The following SFMBT1 variants were observed in gnomAD, a reference collection of about 807,000 sequenced individuals.
SFMBT1 encodes the protein Scm like with four mbt domains 1.
SFMBT1 carries 32 observed loss-of-function variants against 108.7 expected under a neutral mutation model. The observed-to-expected ratio is 0.29, with a 90% CI of 0.22 to 0.40. The LOEUF (loss-of-function observed/expected upper bound fraction) is 0.40. SFMBT1 is among the 10% of genes least tolerant of loss of function. SFMBT1 has a pLI of 1.00. For missense variants in SFMBT1, 816 were observed against 1,059.6 expected, an observed-to-expected ratio of 0.77 and a Z score of 3.19; for synonymous variants, 348 against 369.5, an observed-to-expected ratio of 0.94 and a Z score of 0.67.
intron 3 of SFMBT1, among the ~76,000 whole-genome samples, chr3:52,944,952 C>T (rs78720466): frequency 0.026 from 3,923 of 151,540 alleles, 185 homozygotes; most frequent in African/African-American, 0.09. Context: ...CCCAGATGTG[C>T]GCCACCATGC....
intron 2 of SFMBT1, among the ~76,000 whole-genome samples, chr3:52,958,837 G>A (rs951239869): frequency 1.3e-5 from 2 of 152,000 alleles, no homozygotes; most frequent in African/African-American, 4.8e-5. Context: ...GTATGTTCAC[G>A]GCAGTACTAT....
At chr3:53,042,585 C>T (rs1236853255) in intron 1 of SFMBT1, among the ~76,000 whole-genome samples, 1 of 152,212 alleles carries the variant, frequency 6.6e-6, no homozygotes, top group Admixed American at 6.5e-5. Flanking sequence ...CTCAAGCGAT[C>T]CTCTTGCCTA....
chr3:52,974,531 CA>C (rs1475793459), intron 1 of SFMBT1, among the ~76,000 whole-genome samples: 2 of 152,130 alleles, frequency 1.3e-5, no homozygotes, highest in Admixed American at 6.5e-5. Context: ...CAACATAACT[CA>C]GGGGCAGAAA....
intron 20 of SFMBT1, among the ~76,000 whole-genome samples, chr3:52,905,727 T>TG (rs1339934499): frequency 6.6e-6 from 1 of 152,234 alleles, no homozygotes; most frequent in African/African-American, 2.4e-5. Context: ...ATTTCAATGT[T>TG]TAAGGCCACT....
intron 1 of SFMBT1, among the ~76,000 whole-genome samples, chr3:53,021,791 TA>T (rs1048392014): frequency 1.3e-5 from 2 of 151,812 alleles, no homozygotes; most frequent in African/African-American, 4.8e-5. Context: ...CAGGGAGAAA[TA>T]AAATCATTTA....
intron 13 of SFMBT1, among the ~76,000 whole-genome samples, chr3:52,916,444 C>T (rs200584209): frequency 1.4e-5 from 2 of 146,174 alleles, no homozygotes; most frequent in East Asian, 4.0e-4. Context: ...CTGACGTGGG[C>T]GGGTCACAAG....
intron 4 of SFMBT1, among the ~76,000 whole-genome samples, chr3:52,942,900 C>T (rs188941017): frequency 1.9e-3 from 284 of 152,318 alleles, no homozygotes; most frequent in Non-Finnish European, 3.0e-3. Flanking sequence ...TTTATTGTCT[C>T]TCTTCTGCTT....
chr3:53,042,507 T>C (rs1214169578), intron 1 of SFMBT1, among the ~76,000 whole-genome samples: 2 of 152,070 alleles, frequency 1.3e-5, no homozygotes, highest in Admixed American at 6.6e-5. Flanking sequence ...GCCTGGCTAA[T>C]TTTTTTATTT....
chr3:52,905,244 G>A lies in SFMBT1; in HGVS notation c.2493C>T (p.Thr831=). ...EIDGQALLLL[T]LPTVQECMDL... ...CCATGCATTCTTGAACAGTGGGAAG[G>A]GTAAGGAGCAACAGGGCCTGCCCAT... The change falls in exon 21 of 21, where the codon ACC becomes ACT. Residue 831 remains threonine (T), a synonymous_variant. Coordinates refer to ENST00000394752, the MANE Select transcript of SFMBT1 (RefSeq NM_016329.4). 3 of 1,613,590 alleles carry A rather than the reference G, an allele frequency of 1.9e-6. No individual in the cohort carries two copies. The highest frequency in any genetic ancestry group is 1.7e-6 in the Non-Finnish European group (2 of 1,179,816).
At chr3:52,966,950 T>TTATATATATATATATATA (rs374164813) in intron 2 of SFMBT1, among the ~76,000 whole-genome samples, 3 of 146,704 alleles carry the variant, frequency 2.0e-5, no homozygotes, top group African/African-American at 7.4e-5. Context: ...TTGTGATAAG[T>TTATATATATATATATATA]TATATATATA....
At chr3:52,980,437 C>T (rs1704670669) in intron 1 of SFMBT1, among the ~76,000 whole-genome samples, 1 of 152,126 alleles carries the variant, frequency 6.6e-6, no homozygotes. Flanking sequence ...ATGGTTCTTA[C>T]ACATTTTTCA....
chr3:52,907,271 T>C lies in SFMBT1; in HGVS notation c.2129A>G (p.Asp710Gly). ...EDEDDPDEGD[D>G]DSLSEGSTSE... ...TGTACTGCCTTCACTTAGGGAATCA[T>C]CATCCCCTTCATCTGGGTCATCCTC... The change falls in exon 19 of 21, where the codon GAT becomes GGT. Residue 710 changes from aspartate to glycine, a missense_variant. Around this residue, in one of 5 missense-constraint regions of SFMBT1, gnomAD observed 177 missense variants for 182.0 expected, o/e 0.97. Transcript: ENST00000394752. The C allele has an allele frequency of 6.2e-7, 1 of 1,614,010 alleles. No individual in the cohort carries two copies. The highest frequency in any genetic ancestry group is 8.5e-7 in the Non-Finnish European group (1 of 1,180,034).
intron 3 of SFMBT1, among the ~76,000 whole-genome samples, chr3:52,948,846 T>G (rs1004739036): frequency 1.4e-5 from 2 of 143,274 alleles, no homozygotes; most frequent in Non-Finnish European, 3.0e-5. Context: ...TTTTTTTTTT[T>G]GTAGAAAAGG....
At chr3:53,031,836 T>C (rs1045701914) in intron 1 of SFMBT1, among the ~76,000 whole-genome samples, 10 of 152,202 alleles carry the variant, frequency 6.6e-5, no homozygotes, top group Non-Finnish European at 1.3e-4. Context: ...AGGAAAAACA[T>C]CCTGGGAGTA....
chr3:53,033,064 C>T (rs767545570), intron 1 of SFMBT1, among the ~76,000 whole-genome samples: 1 of 152,122 alleles, frequency 6.6e-6, no homozygotes, highest in Non-Finnish European at 1.5e-5. Flanking sequence ...TCCCAGTGCT[C>T]TGGGAAGCTG....
Position 52,927,334 on chromosome 3 carries a change from T to C in SFMBT1, c.1048+857A>G, listed in dbSNP as rs551903587. The stretch of plus-strand genomic sequence containing the variant: ...TGCCTGGCTTACAGCAAACTTCACA[T>C]GAATGTTTGTTGAATGAATAAAAGC... On this transcript the variant is annotated intron_variant, in intron 9 of 20. Coordinates refer to ENST00000394752, the MANE Select transcript of SFMBT1 (RefSeq NM_016329.4). Among the ~76,000 whole-genome samples, 19 of 152,306 alleles carry C rather than the reference T, an allele frequency of 1.2e-4. No homozygotes were observed. In the South Asian group the frequency reaches 3.7e-3, roughly 30 times the overall value.
rs1336486206 is a variant in SFMBT1, at chr3:52,998,594, G to A, written c.-130-29336C>T. On this transcript the variant is annotated intron_variant, in intron 1 of 20. Coordinates refer to ENST00000394752, the MANE Select transcript of SFMBT1 (RefSeq NM_016329.4). Reference sequence around the variant, plus strand: ...CAGGGTCTCTGCTGTTTCCTACCTAGGGGTGACTGCAGCCATGGCTAAGAA... The same window carrying A: ...CAGGGTCTCTGCTGTTTCCTACCTAAGGGTGACTGCAGCCATGGCTAAGAA... 1.3e-5 allele frequency among the ~76,000 whole-genome samples: 2 copies of A among 150,092 alleles called. 1 individual carries two copies. The highest frequency in any genetic ancestry group is 3.0e-5 in the Non-Finnish European group (2 of 66,960).
chr3:52,912,763 T>A (rs1013493547), intron 15 of SFMBT1, 116 bp from the exon 16 acceptor site: 2 of 749,556 alleles, frequency 2.7e-6, no homozygotes, highest in Non-Finnish European at 4.5e-6. Flanking sequence ...ATTCTAGTCA[T>A]ATGAATTAAC....
intron 1 of SFMBT1, among the ~76,000 whole-genome samples, chr3:53,043,885 G>C (rs977851435): frequency 2.6e-5 from 4 of 152,182 alleles, no homozygotes; most frequent in Admixed American, 6.5e-5. Context: ...ACCCTCAAAA[G>C]GGTCCTGTTT....
Sources: allele counts gnomAD v4.1 joint callset (sites outside exome capture counted in the v4.1 genomes callset), GRCh38; gene constraint gnomAD v4.1.1; regional missense constraint gnomAD v4.1.1; transcripts MANE v1.5; gene names NCBI Gene and HGNC (gene_info 2026-07-23, HGNC 2026-07-21).